GHR: variants seen among roughly 807,000 people sequenced by gnomAD.
GHR encodes the protein GH receptor.
Under a neutral mutation model 67.1 loss-of-function variants are expected in GHR, and 35 were observed. The ratio of observed to expected loss-of-function variants is 0.52; its 90% CI spans 0.40 to 0.69. GHR has a LOEUF of 0.69. Among genes scored for constraint, GHR ranks in the 30% least tolerant of loss-of-function variants. The pLI is 0.00. For missense variants in GHR, 792 were observed against 764.6 expected (o/e 1.04, Z -0.42); for synonymous variants, 272 against 269.1 (o/e 1.01, Z -0.10).
chr5:42,663,984 C>G (rs1216165002), intron 3 of GHR, among the ~76,000 whole-genome samples: 1 of 152,058 alleles, frequency 6.6e-6, no homozygotes, highest in Non-Finnish European at 1.5e-5. Context: ...GAGTGAACTC[C>G]CATTCACAAT....
At position 42,566,671 on chromosome 5, in the gene GHR, C is replaced by CTTT. The variant is rs11415347; in HGVS notation, c.70+737_70+739dup. 2.2e-3 allele frequency among the ~76,000 whole-genome samples: 324 copies of CTTT among 146,396 alleles called. 2 individuals are homozygous for CTTT. The highest frequency in any genetic ancestry group is 7.5e-3 in the African/African-American group (304 of 40,314). Reference sequence around the variant, plus strand: ...ACTGTGCTCTCTAACGGGTGGGAGACTTTTTTTTTTTTAATGAGTACTTGA... The same window carrying CTTT: ...ACTGTGCTCTCTAACGGGTGGGAGACTTTTTTTTTTTTTTTAATGAGTACTTGA... On this transcript the variant is annotated intron_variant, in intron 2 of 9. Transcript: ENST00000230882.
rs544407165 is a variant in GHR, at chr5:42,662,667, T to A, written c.137-26223T>A. 5.3e-4 allele frequency among the ~76,000 whole-genome samples: 80 copies of A among 152,060 alleles called. 1 individual carries two copies. Among genetic ancestry groups the A allele is most frequent in the Middle Eastern group, 6.8e-3 (2 of 292 alleles). On this transcript the variant is annotated intron_variant, in intron 3 of 9. Transcript: ENST00000230882. ...AAGAGAAAGCAGGAAAGATCCAAAA[T>A]TGACACCCTAACATCACAATTAAAA...
intron 2 of GHR, among the ~76,000 whole-genome samples, chr5:42,600,536 G>A (rs1194763387): frequency 1.3e-5 from 2 of 152,194 alleles, no homozygotes; most frequent in African/African-American, 4.8e-5. Flanking sequence ...ATCCCTCAAA[G>A]GAGTAAGAAG....
At chr5:42,572,525 G>A (rs1030918566) in intron 2 of GHR, among the ~76,000 whole-genome samples, 7 of 152,162 alleles carry the variant, frequency 4.6e-5, no homozygotes, top group African/African-American at 1.7e-4. Flanking sequence ...TTGACCCTAC[G>A]AAGAGAGTAT....
chr5:42,718,780 T>C lies in GHR; in HGVS notation c.1273T>C (p.Cys425Arg), dbSNP rs1758861862. ...GTTAAAAGGGGAAGCAGATCTCTTA[T>C]GCCTTGACCAGAAGAATCAAAATAA... ...QRLKGEADLL[C>R]LDQKNQNNSP... Residue 425 changes from cysteine to arginine, a missense_variant, in exon 10 of 10, where the codon TGC (cysteine) becomes CGC (arginine). By Grantham distance (180) the Cys-to-Arg change is radical. Transcript: ENST00000230882. 8 of 1,614,206 alleles carry C rather than the reference T, an allele frequency of 5.0e-6. No individual in the cohort carries two copies. The highest frequency in any genetic ancestry group is 6.8e-6 in the Non-Finnish European group (8 of 1,180,032).
chr5:42,457,034 C>T (rs183205796), intron 1 of GHR, among the ~76,000 whole-genome samples: 43 of 152,208 alleles, frequency 2.8e-4, no homozygotes, highest in Non-Finnish European at 4.4e-4. Context: ...GACTGGCTTT[C>T]CCTGGGGAGC....
At position 42,644,212 on chromosome 5, in the gene GHR, TTAAAA is replaced by T. The variant is rs531541169; in HGVS notation, c.136+15114_136+15118del. Reference sequence around the variant, plus strand: ...CATGATATTATATGTCTCCTGATACTTAAAATAAATATCAAATAAATCTTGATAAT... The same window carrying T: ...CATGATATTATATGTCTCCTGATACTTAAATATCAAATAAATCTTGATAAT... On this transcript the variant is annotated intron_variant, in intron 3 of 9. Coordinates refer to ENST00000230882, the MANE Select transcript of GHR (RefSeq NM_000163.5). Among the ~76,000 whole-genome samples the T allele has an allele frequency of 1.8e-4, 28 of 152,296 alleles. No individual in the cohort carries two copies. The South Asian group carries it at 5.8e-3, about 32-fold the overall frequency.
At chr5:42,446,959 A>G (rs911714260) in intron 1 of GHR, among the ~76,000 whole-genome samples, 3 of 152,192 alleles carry the variant, frequency 2.0e-5, no homozygotes, top group Non-Finnish European at 4.4e-5. Flanking sequence ...GAAAATAAAT[A>G]CATTGAGTTA....
chr5:42,574,178 G>A (rs1306414358), intron 2 of GHR, among the ~76,000 whole-genome samples: 1 of 152,248 alleles, frequency 6.6e-6, no homozygotes, highest in African/African-American at 2.4e-5. Context: ...GAAAGGATGT[G>A]TTGTAACAAG....
chr5:42,659,560 T>C (rs1755452222), intron 3 of GHR, among the ~76,000 whole-genome samples: 1 of 152,158 alleles, frequency 6.6e-6, no homozygotes, highest in African/African-American at 2.4e-5. Flanking sequence ...TACTCCATCC[T>C]CACACGGCCA....
intron 3 of GHR, among the ~76,000 whole-genome samples, chr5:42,683,834 T>G (rs1757005900): frequency 6.6e-6 from 1 of 152,228 alleles, no homozygotes; most frequent in South Asian, 2.1e-4. Flanking sequence ...ATAAATTTCC[T>G]ATTTCTTATT....
chr5:42,517,229 G>A (rs184311422), intron 1 of GHR, among the ~76,000 whole-genome samples: 29 of 152,256 alleles, frequency 1.9e-4, no homozygotes, highest in Admixed American at 4.6e-4. Flanking sequence ...ATAAATTTTG[G>A]AAAGACAACA....
intron 1 of GHR, among the ~76,000 whole-genome samples, chr5:42,433,180 A>G (rs901092605): frequency 6.6e-6 from 1 of 152,038 alleles, no homozygotes; most frequent in Admixed American, 6.6e-5. Flanking sequence ...AGACATATCT[A>G]CTTTGCCAGA....
chr5:42,470,828 A>T (rs1318393436), intron 1 of GHR, among the ~76,000 whole-genome samples: 1 of 152,176 alleles, frequency 6.6e-6, no homozygotes, highest in Non-Finnish European at 1.5e-5. Context: ...GGAGTAAAAA[A>T]TGCCACTCAG....
chr5:42,652,643 G>C (rs1013148928), intron 3 of GHR, among the ~76,000 whole-genome samples: 1 of 152,134 alleles, frequency 6.6e-6, no homozygotes, highest in Non-Finnish European at 1.5e-5. Context: ...TATCAAGATA[G>C]TATTTATATT....
At chr5:42,526,429 G>T (rs1561096481) in intron 1 of GHR, among the ~76,000 whole-genome samples, 1 of 152,188 alleles carries the variant, frequency 6.6e-6, no homozygotes, top group Non-Finnish European at 1.5e-5. Context: ...TGAACCAGCA[G>T]GTGCTAATTT....
At chr5:42,677,854 ATATACT>A (rs1486000913) in intron 3 of GHR, among the ~76,000 whole-genome samples, 2 of 152,132 alleles carry the variant, frequency 1.3e-5, no homozygotes, top group South Asian at 2.1e-4. Flanking sequence ...TCTAGTACCG[ATATACT>A]TATAATTACA....
intron 1 of GHR, among the ~76,000 whole-genome samples, chr5:42,540,825 C>A (rs1371226795): frequency 2.6e-5 from 4 of 152,292 alleles, no homozygotes; most frequent in Admixed American, 1.3e-4. Context: ...AGACTACCCA[C>A]TCCCACAACA....
intron 8 of GHR, 144 bp from the exon 9 acceptor site, chr5:42,717,908 C>A: frequency 1.8e-6 from 1 of 568,068 alleles, no homozygotes. Context: ...ATATTTTCTT[C>A]TGTTTCTCAC....
Sources: gnomAD v4.1 joint callset for allele counts (sites outside exome capture counted in the v4.1 genomes callset) on GRCh38, gnomAD v4.1.1 for gene constraint, MANE v1.5 for transcripts, NCBI Gene and HGNC (gene_info 2026-07-23, HGNC 2026-07-21) for gene names.